Variants in DNAH7 observed in about 807,000 individuals in gnomAD.
DNAH7 encodes axonemal beta dynein heavy chain 7.
In DNAH7, 397 loss-of-function variants were observed where a neutral mutation model predicts 444.6. The observed-to-expected ratio is 0.89, with a 90% CI of 0.82 to 0.97. The LOEUF (loss-of-function observed/expected upper bound fraction) is 0.97, where lower values mean the gene tolerates loss of function less well. Among genes scored for constraint, DNAH7 ranks in the 50% least tolerant of loss-of-function variants. The pLI is 0.00. For synonymous variants in DNAH7, 1,636 were observed against 1,624.4 expected, an observed-to-expected ratio of 1.01 and a Z score of -0.17; for missense variants, 4,902 against 4,800.8, an observed-to-expected ratio of 1.02 and a Z score of -0.62.
intron 5 of DNAH7, among the ~76,000 whole-genome samples, chr2:196,045,519 T>C (rs1697065828): frequency 6.6e-6 from 1 of 151,824 alleles, no homozygotes; most frequent in Admixed American, 6.6e-5. Flanking sequence ...AATCTAAGTG[T>C]TAACTTAAAA....
intron 36 of DNAH7, among the ~76,000 whole-genome samples, chr2:195,879,357 G>T (rs1701239473): frequency 6.6e-6 from 1 of 152,096 alleles, no homozygotes. Flanking sequence ...ATAGAGTATG[G>T]TTCTGTGTAT....
chr2:196,041,381 A>G (rs1234339018), intron 5 of DNAH7, among the ~76,000 whole-genome samples: 1 of 152,174 alleles, frequency 6.6e-6, no homozygotes, highest in Non-Finnish European at 1.5e-5. Context: ...CCTGTGGAAA[A>G]GAATAGAGAA....
intron 19 of DNAH7, among the ~76,000 whole-genome samples, chr2:195,947,277 G>A (rs929318546): frequency 2.0e-5 from 3 of 151,792 alleles, no homozygotes; most frequent in African/African-American, 7.3e-5. Context: ...TCACAGGCGT[G>A]AGCCACATGT....
At chr2:195,930,566 C>T (rs1444246525) in intron 21 of DNAH7, among the ~76,000 whole-genome samples, 1 of 152,170 alleles carries the variant, frequency 6.6e-6, no homozygotes, top group Non-Finnish European at 1.5e-5. Context: ...AATGCTTATA[C>T]ACTATTGGTG....
intron 58 of DNAH7, among the ~76,000 whole-genome samples, chr2:195,780,418 G>A (rs565707823): frequency 2.9e-3 from 435 of 152,052 alleles, no homozygotes; most frequent in Non-Finnish European, 4.9e-3. Flanking sequence ...TTACTTCTAT[G>A]ATGTTTATGA....
chr2:195,913,824 T>TC (rs1292594766), intron 24 of DNAH7, among the ~76,000 whole-genome samples: 1 of 152,200 alleles, frequency 6.6e-6, no homozygotes, highest in Non-Finnish European at 1.5e-5. Flanking sequence ...CAAGCGATTC[T>TC]CCTGCCTCAG....
chr2:195,779,126 A>AGC, intron 58 of DNAH7, among the ~76,000 whole-genome samples: 2 of 152,204 alleles, frequency 1.3e-5, no homozygotes, highest in African/African-American at 4.8e-5. Flanking sequence ...TACAGGCGTG[A>AGC]CGTACCGCTC....
intron 63 of DNAH7, among the ~76,000 whole-genome samples, chr2:195,752,927 AT>A (rs1235882683): frequency 6.6e-6 from 1 of 152,234 alleles, no homozygotes; most frequent in African/African-American, 2.4e-5. Context: ...TGTAAAGACA[AT>A]TCTTTTGAGG....
At chr2:195,965,651 T>G (rs1316996993) in intron 17 of DNAH7, among the ~76,000 whole-genome samples, 2 of 152,144 alleles carry the variant, frequency 1.3e-5, no homozygotes, top group Non-Finnish European at 2.9e-5. Flanking sequence ...TTACTTGTTG[T>G]TGGTCTGTTC....
At chr2:195,947,742 T>C (rs987891568) in intron 19 of DNAH7, among the ~76,000 whole-genome samples, 1 of 152,222 alleles carries the variant, frequency 6.6e-6, no homozygotes, top group Admixed American at 6.5e-5. Context: ...TGAATAGTGC[T>C]GCAATAAACA....
intron 54 of DNAH7, among the ~76,000 whole-genome samples, chr2:195,800,712 C>T (rs996489841): frequency 2.6e-5 from 4 of 151,996 alleles, no homozygotes; most frequent in Admixed American, 6.6e-5. Context: ...TCATTAAGTG[C>T]GACAGAAATT....
chr2:195,742,834 T>C (rs1215724522), intron 63 of DNAH7, among the ~76,000 whole-genome samples: 1 of 152,252 alleles, frequency 6.6e-6, no homozygotes, highest in Non-Finnish European at 1.5e-5. Context: ...TCTTAGGTAA[T>C]TGCATCTACA....
At chr2:195,956,129 T>G (rs1690635967) in intron 19 of DNAH7, among the ~76,000 whole-genome samples, 1 of 152,278 alleles carries the variant, frequency 6.6e-6, no homozygotes, top group Non-Finnish European at 1.5e-5. Flanking sequence ...TACAGTATTA[T>G]CAATATTTCG....
At position 196,046,406 on chromosome 2, in the gene DNAH7, T is replaced by C. The variant is rs1175926467; in HGVS notation, c.398+946A>G. Among the ~76,000 whole-genome samples, 5 of 152,152 alleles carry C rather than the reference T, an allele frequency of 3.3e-5. No individual in the cohort carries two copies. The East Asian group carries it at 9.6e-4, about 29-fold the overall frequency. On this transcript the variant is annotated intron_variant, in intron 5 of 64. Transcript: ENST00000312428. ...GGAAGTTGTGTCAAGAAAGCTTATC[T>C]TTCTTGGGCAGGGCTCCAGGTAGAA...
At chr2:195,766,753 T>C (rs151051583) in intron 61 of DNAH7, among the ~76,000 whole-genome samples, 32 of 152,306 alleles carry the variant, frequency 2.1e-4, no homozygotes, top group South Asian at 4.1e-4. Flanking sequence ...TACCCTGATG[T>C]AATTATTATT....
At chr2:195,841,247 T>TCTCTCTC in intron 47 of DNAH7, among the ~76,000 whole-genome samples, 1 of 151,666 alleles carries the variant, frequency 6.6e-6, no homozygotes, top group Non-Finnish European at 1.5e-5. Flanking sequence ...TCTGTCTCTC[T>TCTCTCTC]CTCTCCTCTC....
intron 10 of DNAH7, among the ~76,000 whole-genome samples, chr2:196,011,144 TAGAAG>T (rs1254574105): frequency 6.6e-6 from 1 of 152,134 alleles, no homozygotes; most frequent in Non-Finnish European, 1.5e-5. Context: ...CCAAAATAGC[TAGAAG>T]AGAAGATTTG....
At position 195,892,278 on chromosome 2, in the gene DNAH7, T is replaced by C. The variant is rs540245390; in HGVS notation, c.4897-474A>G. Among the ~76,000 whole-genome samples the C allele has an allele frequency of 1.2e-3, 180 of 152,308 alleles. 2 individuals are homozygous for C. Among genetic ancestry groups the C allele is most frequent in the African/African-American group, 4.1e-3 (172 of 41,570 alleles). Reference sequence around the variant, plus strand: ...GGCATTACGAAAAAAGGCTTGGGGCTGAATTTGGCCCATGTACTGTAATTT... The same window carrying C: ...GGCATTACGAAAAAAGGCTTGGGGCCGAATTTGGCCCATGTACTGTAATTT... On this transcript the variant is annotated intron_variant, in intron 30 of 64. Transcript: ENST00000312428.
intron 17 of DNAH7, among the ~76,000 whole-genome samples, chr2:195,962,546 C>T (rs559641383): frequency 3.7e-4 from 57 of 152,240 alleles, no homozygotes; most frequent in African/African-American, 1.3e-3. Context: ...GATAGGGTTT[C>T]ACCATGTTGC....
Sources: gnomAD v4.1 joint callset for allele counts (sites outside exome capture counted in the v4.1 genomes callset) on GRCh38, gnomAD v4.1.1 for gene constraint, MANE v1.5 for transcripts, NCBI Gene and HGNC (gene_info 2026-07-23, HGNC 2026-07-21) for gene names.